SIL1: variants seen among roughly 807,000 people sequenced by gnomAD.
The protein encoded by SIL1 is SIL1 nucleotide exchange factor.
Under a neutral mutation model 49.1 loss-of-function variants are expected in SIL1, and 40 were observed. The observed-to-expected ratio is 0.81, with a 90% CI of 0.63 to 1.06. The LOEUF (loss-of-function observed/expected upper bound fraction) is 1.06. Among genes scored for constraint, SIL1 ranks in the 50% least tolerant of loss-of-function variants. The pLI is 0.00. For missense variants in SIL1, 500 were observed against 572.6 expected, an observed-to-expected ratio of 0.87 and a Z score of 1.29; for synonymous variants, 253 against 250.8, an observed-to-expected ratio of 1.01 and a Z score of -0.08.
intron 3 of SIL1, among the ~76,000 whole-genome samples, chr5:139,070,990 A>T (rs1769819816): frequency 6.6e-6 from 1 of 152,196 alleles, no homozygotes; most frequent in Admixed American, 6.5e-5. Context: ...ATCAGACATT[A>T]AGCACTTCCT....
chr5:139,156,974 G>A (rs933637886), intron 1 of SIL1, among the ~76,000 whole-genome samples: 5 of 152,168 alleles, frequency 3.3e-5, no homozygotes, highest in Non-Finnish European at 5.9e-5. Context: ...CTTGAGCCCT[G>A]TGCCTTGCTC....
At chr5:138,987,757 C>T (rs924575465) in intron 7 of SIL1, among the ~76,000 whole-genome samples, 6 of 152,238 alleles carry the variant, frequency 3.9e-5, no homozygotes, top group African/African-American at 7.2e-5. Context: ...GAAAGGGCCA[C>T]GGCCCAACCA....
At chr5:139,151,038 G>T (rs1410977925) in intron 1 of SIL1, among the ~76,000 whole-genome samples, 1 of 152,118 alleles carries the variant, frequency 6.6e-6, no homozygotes, top group South Asian at 2.1e-4. Flanking sequence ...GAGGATGCTG[G>T]TATTGATAAT....
At chr5:139,011,906 A>T (rs1290320895) in intron 7 of SIL1, among the ~76,000 whole-genome samples, 1 of 152,232 alleles carries the variant, frequency 6.6e-6, no homozygotes, top group Non-Finnish European at 1.5e-5. Flanking sequence ...AAATACAGAG[A>T]ATGGTATAAT....
intron 1 of SIL1, among the ~76,000 whole-genome samples, chr5:139,139,102 G>A (rs1385287523): frequency 7.2e-5 from 11 of 152,218 alleles, no homozygotes; most frequent in Admixed American, 2.6e-4. Context: ...AACAGCCGGG[G>A]CAAATGCAGC....
intron 5 of SIL1, among the ~76,000 whole-genome samples, chr5:139,037,145 T>C (rs936838678): frequency 6.7e-6 from 1 of 149,166 alleles, no homozygotes; most frequent in African/African-American, 2.6e-5. Flanking sequence ...CCCCCAGCAA[T>C]TGAAAAATAT....
intron 3 of SIL1, among the ~76,000 whole-genome samples, chr5:139,066,631 C>T (rs1367692033): frequency 1.3e-5 from 2 of 152,220 alleles, no homozygotes; most frequent in Non-Finnish European, 2.9e-5. Flanking sequence ...CAGACATTTA[C>T]TGACCATCTA....
Position 139,035,296 on chromosome 5 carries a change from G to C in SIL1, c.453+7324C>G, listed in dbSNP as rs550060224. The C allele has an allele frequency of 2.9e-4, 149 of 522,134 alleles. 3 individuals are homozygous for C. Among genetic ancestry groups the C allele is most frequent in the South Asian group, 2.1e-3 (146 of 68,440 alleles). 32.3% of individuals were successfully genotyped at this position (522,134 alleles called of 1,614,324 possible). A position where few individuals can be genotyped will look rare whatever the true frequency, so the allele number is the denominator to read the frequency against. On this transcript the variant is annotated intron_variant, in intron 5 of 9. Transcript: ENST00000394817. ...AGTTCTCTGGCTAAAGATTGGTGCC[G>C]CATCTGTCAAGTAATGTTGACAATC...
At chr5:139,188,657 A>G (rs1752116858) in intron 1 of SIL1, among the ~76,000 whole-genome samples, 1 of 152,274 alleles carries the variant, frequency 6.6e-6, no homozygotes, top group Non-Finnish European at 1.5e-5. Context: ...ACTTTGCACA[A>G]GGACCAGAAA....
intron 1 of SIL1, among the ~76,000 whole-genome samples, chr5:139,151,448 C>T (rs1751298525): frequency 6.6e-6 from 1 of 152,202 alleles, no homozygotes; most frequent in Admixed American, 6.5e-5. Context: ...TTAACAACAC[C>T]TCCTGTTTTT....
intron 5 of SIL1, among the ~76,000 whole-genome samples, chr5:139,039,870 C>T (rs192108739): frequency 5.5e-4 from 84 of 152,236 alleles, no homozygotes; most frequent in African/African-American, 1.7e-3. Flanking sequence ...GATAAGTAGA[C>T]GAGATTCAAC....
intron 5 of SIL1, among the ~76,000 whole-genome samples, chr5:139,029,139 A>G (rs1056463875): frequency 3.3e-5 from 5 of 152,198 alleles, no homozygotes; most frequent in Non-Finnish European, 7.3e-5. Flanking sequence ...ATTTTTTTAA[A>G]CAGAGAACTG....
intron 3 of SIL1, chr5:139,094,013 C>T (rs987413495): frequency 3.3e-5 from 5 of 152,326 alleles, no homozygotes; most frequent in South Asian, 2.1e-4. Flanking sequence ...TCATCATAAA[C>T]CAGCCCTCAC....
chr5:139,119,606 C>A (rs528672420), intron 3 of SIL1, among the ~76,000 whole-genome samples: 3 of 152,194 alleles, frequency 2.0e-5, no homozygotes, highest in Non-Finnish European at 4.4e-5. Context: ...ACAAAAAATA[C>A]AAAAATTAGC....
At chr5:139,012,057 T>C (rs976992016) in intron 7 of SIL1, among the ~76,000 whole-genome samples, 1 of 151,854 alleles carries the variant, frequency 6.6e-6, no homozygotes, top group Non-Finnish European at 1.5e-5. Flanking sequence ...TCTTTGGTTT[T>C]TGTTGTTGTT....
intron 3 of SIL1, among the ~76,000 whole-genome samples, chr5:139,120,264 C>G (rs981980734): frequency 6.6e-6 from 1 of 152,218 alleles, no homozygotes; most frequent in South Asian, 2.1e-4. Flanking sequence ...CAGCCAAGGA[C>G]AGCTAGGACT....
At chr5:139,145,966 A>T (rs1751189031) in intron 1 of SIL1, among the ~76,000 whole-genome samples, 4 of 150,846 alleles carry the variant, frequency 2.7e-5, no homozygotes, top group Admixed American at 2.6e-4. Flanking sequence ...GTGTGTATAT[A>T]TAAGTATGTG....
At chr5:139,088,006 G>A (rs1285450602) in intron 3 of SIL1, among the ~76,000 whole-genome samples, 1 of 151,876 alleles carries the variant, frequency 6.6e-6, no homozygotes, top group African/African-American at 2.4e-5. Flanking sequence ...CATAATGTAG[G>A]TACCTCCCTG....
chr5:139,039,854 T>C (rs1474729634), intron 5 of SIL1, among the ~76,000 whole-genome samples: 2 of 152,028 alleles, frequency 1.3e-5, no homozygotes, highest in Non-Finnish European at 2.9e-5. Context: ...TGTATGGAAA[T>C]AGAGGGATAA....
Sources: gnomAD v4.1 joint callset for allele counts (sites outside exome capture counted in the v4.1 genomes callset) on GRCh38, gnomAD v4.1.1 for gene constraint, MANE v1.5 for transcripts, NCBI Gene and HGNC (gene_info 2026-07-23, HGNC 2026-07-21) for gene names.